Variants in RHBDD1 observed in about 807,000 individuals in gnomAD.
RHBDD1 encodes rhomboid-related protein 4.
A neutral mutation model predicts 36.3 loss-of-function variants in RHBDD1; 38 were observed. The ratio of observed to expected loss-of-function variants is 1.05; its 90% CI spans 0.81 to 1.37. The LOEUF is 1.37. Among genes scored for constraint, RHBDD1 ranks in the 40% most tolerant of loss-of-function variants. The pLI, the probability that RHBDD1 is intolerant of heterozygous loss-of-function variation, is 0.00. For missense variants in RHBDD1, 393 were observed against 377.6 expected (o/e 1.04, Z -0.34); for synonymous variants, 151 against 136.5 (o/e 1.11, Z -0.74).
the RHBDD1 span, among the ~76,000 whole-genome samples, chr2:226,813,418 G>A: frequency 2.6e-5 from 4 of 152,188 alleles, no homozygotes; most frequent in Non-Finnish European, 4.4e-5. Flanking sequence ...GGTTTTGGGG[G>A]ATGGCATTAT....
At chr2:226,865,723 AAT>A (rs1437883474) in intron 4 of RHBDD1, among the ~76,000 whole-genome samples, 2 of 152,226 alleles carry the variant, frequency 1.3e-5, no homozygotes, top group African/African-American at 4.8e-5. Context: ...CAAACCTAGG[AAT>A]CACATGAATC....
At chr2:226,801,435 G>T in the RHBDD1 span, among the ~76,000 whole-genome samples, 1 of 152,184 alleles carries the variant, frequency 6.6e-6, no homozygotes, top group Admixed American at 6.5e-5. Flanking sequence ...CGCCATTCAG[G>T]GGTGTGCGAT....
intron 7 of RHBDD1, among the ~76,000 whole-genome samples, chr2:226,911,139 C>CAATTAAAA (rs2125682261): frequency 6.6e-6 from 1 of 152,188 alleles, no homozygotes; most frequent in South Asian, 2.1e-4. Context: ...GTGTATCTGG[C>CAATTAAAA]AATTAAAACT....
chr2:226,842,677 T>C (rs1941795405), intron 3 of RHBDD1, among the ~76,000 whole-genome samples: 1 of 152,228 alleles, frequency 6.6e-6, no homozygotes, highest in Admixed American at 6.5e-5. Context: ...CATGCTGTTT[T>C]CGTTACTGTA....
At chr2:226,904,338 T>C (rs1282086459) in intron 5 of RHBDD1, among the ~76,000 whole-genome samples, 2 of 131,226 alleles carry the variant, frequency 1.5e-5, no homozygotes, top group African/African-American at 5.8e-5. Context: ...ATCTGTGTGC[T>C]CCCCTTCCCG....
rs756305860 is a variant in RHBDD1, at chr2:226,995,460, G to A, written c.886G>A (p.Gly296Arg). 7 of 1,612,960 alleles carry A rather than the reference G, an allele frequency of 4.3e-6. No individual in the cohort carries two copies. In the East Asian group the frequency reaches 6.7e-5, roughly 15 times the overall value. ...TACCAGAAATAGCCCACCACCCTAC[G>A]GGTTTCATCTCTCACCAGAAGAAAT... ...GNTRNSPPPY[G>R]FHLSPEEMRR... Residue 296 changes from glycine (G) to arginine (R), a missense_variant, in exon 9 of 9, where the codon GGG (glycine) becomes AGG (arginine). Transcript: ENST00000392062.
chr2:226,891,767 T>C (rs141645327), intron 5 of RHBDD1, among the ~76,000 whole-genome samples: 1 of 152,308 alleles, frequency 6.6e-6, no homozygotes, highest in African/African-American at 2.4e-5. Flanking sequence ...AAAAGACTTA[T>C]CGGAAGGATA....
chr2:226,953,015 A>G (rs1951538102), intron 8 of RHBDD1, among the ~76,000 whole-genome samples: 1 of 152,212 alleles, frequency 6.6e-6, no homozygotes, highest in Non-Finnish European at 1.5e-5. Flanking sequence ...AGAAGCCATT[A>G]AGACCAACTT....
rs567242213 is a variant in RHBDD1 at position 226,986,754 on chromosome 2, T to C, written c.857-8677T>C. On this transcript the variant is annotated intron_variant, in intron 8 of 8. Coordinates refer to ENST00000392062, the MANE Select transcript of RHBDD1 (RefSeq NM_001167608.3). ...GTGGGAGTGTAAATTAGTTCAACCA[T>C]TGTGGAAGATAGTGTGGCGATTCCT... 1.1e-4 allele frequency among the ~76,000 whole-genome samples: 16 copies of C among 152,290 alleles called. No individual in the cohort carries two copies. In the South Asian group the frequency reaches 2.9e-3, roughly 28 times the overall value.
chr2:226,875,132 T>A (rs189869653), intron 5 of RHBDD1, among the ~76,000 whole-genome samples: 1 of 152,340 alleles, frequency 6.6e-6, no homozygotes, highest in Admixed American at 6.5e-5. Flanking sequence ...GGCTGTTTCT[T>A]GTTTACCTTT....
chr2:226,821,252 C>G, the RHBDD1 span, among the ~76,000 whole-genome samples: 1 of 152,162 alleles, frequency 6.6e-6, no homozygotes, highest in Non-Finnish European at 1.5e-5. Flanking sequence ...AGAGCTGGGA[C>G]TGAAGCTTGG....
intron 5 of RHBDD1, among the ~76,000 whole-genome samples, chr2:226,895,178 CT>C (rs1946999157): frequency 6.6e-6 from 1 of 152,196 alleles, no homozygotes; most frequent in Admixed American, 6.5e-5. Context: ...GACAGACACG[CT>C]TGTCACAGTG....
At chr2:226,977,487 G>A (rs1030751256) in intron 8 of RHBDD1, among the ~76,000 whole-genome samples, 6 of 152,116 alleles carry the variant, frequency 3.9e-5, no homozygotes, top group African/African-American at 1.2e-4. Flanking sequence ...TTGGAAAGGC[G>A]AGCAAAGTTC....
chr2:226,965,294 A>G (rs1952536439), intron 8 of RHBDD1, among the ~76,000 whole-genome samples: 1 of 152,226 alleles, frequency 6.6e-6, no homozygotes, highest in African/African-American at 2.4e-5. Flanking sequence ...TCTCCTGCAG[A>G]GCCTCCAGAA....
rs573083978 is a variant in RHBDD1, at chr2:226,972,942, A to C, written c.857-22489A>C. On this transcript the variant is annotated intron_variant, in intron 8 of 8. Transcript: ENST00000392062. Reference sequence around the variant, plus strand: ...GGAAGCCTGTAGCAAAAAAAAAAAAAAAACAAAAAACCATGCAGGTTCCCC... The same window carrying C: ...GGAAGCCTGTAGCAAAAAAAAAAAACAAACAAAAAACCATGCAGGTTCCCC... Among the ~76,000 whole-genome samples the C allele has an allele frequency of 1.2e-3, 175 of 151,892 alleles. 1 individual carries two copies. The highest frequency in any genetic ancestry group is 4.4e-3 in the South Asian group (21 of 4,812).
At chr2:226,956,240 G>A (rs1007930111) in intron 8 of RHBDD1, among the ~76,000 whole-genome samples, 5 of 152,036 alleles carry the variant, frequency 3.3e-5, no homozygotes, top group Admixed American at 6.5e-5. Flanking sequence ...CCACTAAGCC[G>A]TGCCCGCCTC....
chr2:226,988,263 C>T (rs992658493), intron 8 of RHBDD1: 39 of 1,447,812 alleles, frequency 2.7e-5, no homozygotes, highest in Non-Finnish European at 3.5e-5. Context: ...TATCAGGGCC[C>T]TGAGGAGGCC....
intron 8 of RHBDD1, among the ~76,000 whole-genome samples, chr2:226,937,109 G>A (rs1373783380): frequency 6.6e-6 from 1 of 152,096 alleles, no homozygotes; most frequent in African/African-American, 2.4e-5. Flanking sequence ...TGTATATTCT[G>A]TATTTAATGA....
At chr2:226,948,734 A>G (rs1309800732) in intron 8 of RHBDD1, among the ~76,000 whole-genome samples, 1 of 152,160 alleles carries the variant, frequency 6.6e-6, no homozygotes, top group Non-Finnish European at 1.5e-5. Flanking sequence ...AAGCAACACA[A>G]GACAAGGTTG....
Sources: gnomAD v4.1 joint callset for allele counts (sites outside exome capture counted in the v4.1 genomes callset) on GRCh38, gnomAD v4.1.1 for gene constraint, MANE v1.5 for transcripts, NCBI Gene and HGNC (gene_info 2026-07-23, HGNC 2026-07-21) for gene names.